The following SPPL2A variants were observed in gnomAD, a reference collection of about 807,000 sequenced individuals.
SPPL2A encodes signal peptide peptidase-like 2A.
A neutral mutation model predicts 63.8 loss-of-function variants in SPPL2A; 51 were observed. The observed-to-expected ratio is 0.80, with a 90% CI of 0.64 to 1.01. SPPL2A has a LOEUF of 1.01. Ranked by LOEUF, SPPL2A falls within the 50% of genes least tolerant of loss-of-function variation. SPPL2A has a pLI of 0.00. For missense variants in SPPL2A, 553 were observed against 622.7 expected (o/e 0.89, Z 1.19); for synonymous variants, 188 against 205.8 (o/e 0.91, Z 0.74).
intron 1 of SPPL2A, among the ~76,000 whole-genome samples, chr15:50,759,127 C>T (rs776070184): frequency 6.6e-6 from 1 of 151,986 alleles, no homozygotes; most frequent in Admixed American, 6.6e-5. Flanking sequence ...TGGCCTCAAA[C>T]TTCTGGCCTC....
chr15:50,753,749 G>C (rs908304785), intron 1 of SPPL2A, among the ~76,000 whole-genome samples: 1 of 152,138 alleles, frequency 6.6e-6, no homozygotes, highest in Non-Finnish European at 1.5e-5. Flanking sequence ...GTCCTGGTGG[G>C]ATGTGGAGAT....
At position 50,765,656 on chromosome 15, in the gene SPPL2A, G is replaced by C; in HGVS notation, c.-123C>G. 1 of 571,070 alleles carries C rather than the reference G, an allele frequency of 1.8e-6. No homozygotes were observed. Among genetic ancestry groups the C allele is most frequent in the Non-Finnish European group, 2.7e-6 (1 of 375,540 alleles). The allele number at this position is 571,070 out of a possible 1,614,324, so 35.4% of individuals were successfully genotyped here. The stretch of plus-strand genomic sequence containing the variant: ...CCGGACCGGACAGGCGCGGGCGGCC[G>C]GGCTACGACTGGACCGCCGCTGCTA... On this transcript the variant is annotated 5_prime_UTR_variant, in exon 1 of 15. Transcript: ENST00000261854.
At chr15:50,724,528 A>G (rs2062671532) in intron 12 of SPPL2A, among the ~76,000 whole-genome samples, 2 of 151,858 alleles carry the variant, frequency 1.3e-5, no homozygotes, top group South Asian at 2.1e-4. Flanking sequence ...CAGTGAGCTG[A>G]GGTCATGCCA....
intron 1 of SPPL2A, among the ~76,000 whole-genome samples, chr15:50,750,098 C>G (rs372107271): frequency 6.6e-6 from 1 of 152,064 alleles, no homozygotes; most frequent in East Asian, 1.9e-4. Context: ...ATTATTACTT[C>G]ATTGTTTATA....
chr15:50,713,562 G>A (rs552177727), intron 14 of SPPL2A, among the ~76,000 whole-genome samples: 1 of 151,870 alleles, frequency 6.6e-6, no homozygotes, highest in East Asian at 1.9e-4. Flanking sequence ...ACCGCGCCCA[G>A]CATTTCCTGA....
At chr15:50,723,940 T>C (rs2062666725) in intron 12 of SPPL2A, among the ~76,000 whole-genome samples, 1 of 152,212 alleles carries the variant, frequency 6.6e-6, no homozygotes, top group South Asian at 2.1e-4. Context: ...GTTTTAGACC[T>C]TTGACATTTA....
chr15:50,740,427 C>CAAAAAAAAAAAAAAA (rs34361362), intron 5 of SPPL2A, among the ~76,000 whole-genome samples: 1 of 60,098 alleles, frequency 1.7e-5, no homozygotes, highest in African/African-American at 7.0e-5. Context: ...AACTCCGTCT[C>CAAAAAAAAAAAAAAA]AAAAAAAAAA....
intron 5 of SPPL2A, chr15:50,746,802 G>A (rs1013024326): frequency 5.3e-5 from 8 of 151,908 alleles, no homozygotes; most frequent in African/African-American, 1.5e-4. Flanking sequence ...CAAGTAGCTG[G>A]GATTACAGGC....
At position 50,731,416 on chromosome 15, in the gene SPPL2A, C is replaced by T. The variant is rs558896206; in HGVS notation, c.1015-377G>A. Among the ~76,000 whole-genome samples the T allele has an allele frequency of 6.6e-5, 10 of 151,322 alleles. No individual in the cohort carries two copies. The East Asian group carries it at 2.0e-3, about 30-fold the overall frequency. On this transcript the variant is annotated intron_variant, in intron 9 of 14. Transcript: ENST00000261854. ...CAAAAATTAGCCGGGCATGGTGGCA[C>T]GTGCCTATAAACCCAGCTACTCAGG...
chr15:50,762,893 C>T (rs965690754), intron 1 of SPPL2A, among the ~76,000 whole-genome samples: 8 of 146,296 alleles, frequency 5.5e-5, no homozygotes, highest in Admixed American at 1.4e-4. Flanking sequence ...CCACCACGCC[C>T]GGCTAATTTT....
At chr15:50,757,648 C>G (rs2062971753) in intron 1 of SPPL2A, among the ~76,000 whole-genome samples, 1 of 152,242 alleles carries the variant, frequency 6.6e-6, no homozygotes, top group Admixed American at 6.5e-5. Context: ...GTTCTACTTC[C>G]TTTTTCTCTG....
At chr15:50,731,927 C>CAAAAAAAAAAAAAAAAAAAA (rs60624824) in intron 9 of SPPL2A, among the ~76,000 whole-genome samples, 1 of 64,226 alleles carries the variant, frequency 1.6e-5, no homozygotes, top group Non-Finnish European at 2.7e-5. Context: ...GACTCCATCT[C>CAAAAAAAAAAAAAAAAAAAA]AAAAAAAAAA....
intron 11 of SPPL2A, among the ~76,000 whole-genome samples, chr15:50,725,724 C>T (rs781004917): frequency 6.7e-4 from 102 of 152,296 alleles, no homozygotes; most frequent in Non-Finnish European, 1.3e-3. Flanking sequence ...AGCCACCGTG[C>T]CTGGCCACCC....
intron 1 of SPPL2A, chr15:50,764,411 C>CA (rs2063040127): frequency 6.6e-6 from 1 of 152,134 alleles, no homozygotes. Context: ...TGTTGCCTGT[C>CA]AAAGTTATGA....
In SPPL2A at chr15:50,747,244, A is replaced by G. The variant is rs543642957; in HGVS notation, c.584+251T>C. Among the ~76,000 whole-genome samples the G allele has an allele frequency of 7.2e-5, 11 of 152,278 alleles. No homozygotes were observed. The South Asian group carries it at 2.3e-3, about 32-fold the overall frequency. On this transcript the variant is annotated intron_variant, in intron 5 of 14. Transcript: ENST00000261854. The stretch of plus-strand genomic sequence containing the variant: ...TGACCTTTCCTGGGAGACAGAATTA[A>G]ACATTTTAACTTAAAAGGGTCTCTG...
intron 14 of SPPL2A, among the ~76,000 whole-genome samples, chr15:50,710,282 T>C (rs978540200): frequency 2.0e-5 from 3 of 152,154 alleles, no homozygotes; most frequent in African/African-American, 7.2e-5. Flanking sequence ...GCACAGTAGG[T>C]AGTGAGTCAG....
chr15:50,740,284 G>A (rs1177591924), intron 5 of SPPL2A, among the ~76,000 whole-genome samples: 1 of 151,778 alleles, frequency 6.6e-6, no homozygotes, highest in East Asian at 1.9e-4. Context: ...AAAATTAGCC[G>A]GGTGTGGTGG....
intron 1 of SPPL2A, 64 bp downstream of exon 1, chr15:50,765,404 C>G: frequency 6.8e-6 from 9 of 1,331,326 alleles, no homozygotes; most frequent in Non-Finnish European, 9.0e-6. Flanking sequence ...GGGAAGGGAG[C>G]CCCGGCCTTG....
At chr15:50,747,474 G>T (rs529693025) in intron 5 of SPPL2A, 21 bp downstream of exon 5, 15 of 1,578,798 alleles carry the variant, frequency 9.5e-6, no homozygotes, top group Admixed American at 7.8e-5. Context: ...TTACAAAAAC[G>T]CTTAAGTTAA....
Sources: gnomAD v4.1 joint callset for allele counts (sites outside exome capture counted in the v4.1 genomes callset) on GRCh38, gnomAD v4.1.1 for gene constraint, MANE v1.5 for transcripts, NCBI Gene and HGNC (gene_info 2026-07-23, HGNC 2026-07-21) for gene names.